The following KCNMB2 variants were observed in gnomAD, a reference collection of about 807,000 sequenced individuals.
KCNMB2 encodes the protein calcium-activated potassium channel subunit beta-2.
In KCNMB2, 9 loss-of-function variants were observed where a neutral mutation model predicts 24.5. The ratio of observed to expected loss-of-function variants is 0.37; its 90% CI spans 0.22 to 0.64. The LOEUF (loss-of-function observed/expected upper bound fraction) is 0.64. KCNMB2 is among the 30% of genes least tolerant of loss of function. KCNMB2 has a pLI of 0.63. For synonymous variants in KCNMB2, 109 were observed against 104.4 expected, an observed-to-expected ratio of 1.04 and a Z score of -0.27; for missense variants, 226 against 284.3, an observed-to-expected ratio of 0.79 and a Z score of 1.47.
chr3:178,704,921 G>C (rs1389419582), intron 1 of KCNMB2, among the ~76,000 whole-genome samples: 12 of 152,060 alleles, frequency 7.9e-5, no homozygotes. Flanking sequence ...ATTTTCACAA[G>C]TCTCCAGGCT....
intron 3 of KCNMB2, among the ~76,000 whole-genome samples, chr3:178,826,460 G>T (rs570973527): frequency 1.3e-5 from 2 of 152,246 alleles, no homozygotes; most frequent in African/African-American, 4.8e-5. Context: ...TTTGCTGTAG[G>T]TGTATTGAAT....
chr3:178,649,548 A>T (rs1720034878), intron 1 of KCNMB2, among the ~76,000 whole-genome samples: 1 of 151,446 alleles, frequency 6.6e-6, no homozygotes, highest in Admixed American at 6.6e-5. Flanking sequence ...CAATTTTAGA[A>T]TTTGTTATTA....
intron 1 of KCNMB2, among the ~76,000 whole-genome samples, chr3:178,592,581 A>G (rs551640864): frequency 6.6e-6 from 1 of 152,248 alleles, no homozygotes; most frequent in South Asian, 2.1e-4. Context: ...TATGTGTGCT[A>G]TGTGTGTTTT....
At chr3:178,560,986 A>C (rs1577011306) in intron 1 of KCNMB2, among the ~76,000 whole-genome samples, 1 of 152,204 alleles carries the variant, frequency 6.6e-6, no homozygotes, top group South Asian at 2.1e-4. Flanking sequence ...CACACAGCAG[A>C]GTATCAGTTA....
At chr3:178,757,320 A>G (rs1724109223) in intron 1 of KCNMB2, among the ~76,000 whole-genome samples, 1 of 117,858 alleles carries the variant, frequency 8.5e-6, no homozygotes, top group African/African-American at 3.2e-5. Context: ...ATCCAAGAGG[A>G]CATATATATA....
intron 1 of KCNMB2, among the ~76,000 whole-genome samples, chr3:178,565,118 A>G (rs868531647): frequency 1.3e-5 from 2 of 152,356 alleles, no homozygotes; most frequent in Middle Eastern, 3.4e-3. Context: ...CTGTATGGAT[A>G]TAGTGAACGA....
At chr3:178,720,475 T>C (rs907464455) in intron 1 of KCNMB2, among the ~76,000 whole-genome samples, 5 of 111,424 alleles carry the variant, frequency 4.5e-5, no homozygotes, top group African/African-American at 1.7e-4. Context: ...GCATGATTTA[T>C]AGTCCTTTGG....
intron 4 of KCNMB2, among the ~76,000 whole-genome samples, chr3:178,841,983 T>C (rs540522068): frequency 1.3e-5 from 2 of 152,220 alleles, no homozygotes; most frequent in Non-Finnish European, 2.9e-5. Context: ...GAAAAGCTGT[T>C]TTATTTTTCC....
Position 178,757,749 on chromosome 3 carries a change from TAAGAGGATATATATATATATCC to T in KCNMB2, c.-67-49578_-67-49557del, listed in dbSNP as rs1294560822. 2.8e-3 allele frequency among the ~76,000 whole-genome samples: 210 copies of T among 74,736 alleles called. 22 individuals carry two copies. The highest frequency in any genetic ancestry group is 3.3e-3 in the Non-Finnish European group (116 of 35,248). The allele number at this position is 74,736 out of a possible 152,430, so 49.0% of individuals were successfully genotyped here. On this transcript the variant is annotated intron_variant, in intron 1 of 4. Coordinates refer to ENST00000452583, the MANE Select transcript of KCNMB2 (RefSeq NM_181361.3). ...ATATATCCAAGAGGATATATATATA[TAAGAGGATATATATATATATCC>T]AAGAGGATATATATACATATATCTT...
chr3:178,555,432 G>A (rs146589547), intron 1 of KCNMB2, among the ~76,000 whole-genome samples: 1 of 152,276 alleles, frequency 6.6e-6, no homozygotes, highest in Non-Finnish European at 1.5e-5. Flanking sequence ...AATGTTTTGA[G>A]CATCAGTTTC....
At chr3:178,593,122 T>G (rs2108500979) in intron 1 of KCNMB2, among the ~76,000 whole-genome samples, 1 of 152,212 alleles carries the variant, frequency 6.6e-6, no homozygotes, top group Middle Eastern at 3.4e-3. Context: ...GAGTTTTAAG[T>G]TAACTTAAGC....
rs373190936 is a variant in KCNMB2, at chr3:178,586,911, T to C, written c.-68+50200T>C. Among the ~76,000 whole-genome samples the C allele has an allele frequency of 3.3e-4, 50 of 152,356 alleles. No individual in the cohort carries two copies. The South Asian group carries it at 0.01, about 31-fold the overall frequency. ...TCAAGATTATAAAACTATTCTCTTATACTTTTTGTAGTACAATATTGTTTT... is the reference window on the plus strand; with the variant it reads ...TCAAGATTATAAAACTATTCTCTTACACTTTTTGTAGTACAATATTGTTTT... On this transcript the variant is annotated intron_variant, in intron 1 of 4. Transcript: ENST00000452583.
intron 1 of KCNMB2, among the ~76,000 whole-genome samples, chr3:178,609,413 T>TC (rs2108514583): frequency 6.6e-6 from 1 of 151,778 alleles, no homozygotes; most frequent in Non-Finnish European, 1.5e-5. Context: ...TGTTTTTTTT[T>TC]CCCATTCTGT....
At chr3:178,557,212 T>C (rs1419174116) in intron 1 of KCNMB2, among the ~76,000 whole-genome samples, 1 of 152,168 alleles carries the variant, frequency 6.6e-6, no homozygotes, top group Non-Finnish European at 1.5e-5. Flanking sequence ...TCCCAGGTGA[T>C]TCAAATCTGT....
chr3:178,546,790 G>A (rs551839432), intron 1 of KCNMB2, among the ~76,000 whole-genome samples: 3 of 152,206 alleles, frequency 2.0e-5, no homozygotes, highest in Non-Finnish European at 4.4e-5. Flanking sequence ...GGCTGACAAG[G>A]TAATTGCACT....
chr3:178,809,992 A>C (rs1577205323), intron 2 of KCNMB2, among the ~76,000 whole-genome samples: 1 of 151,848 alleles, frequency 6.6e-6, no homozygotes, highest in East Asian at 1.9e-4. Flanking sequence ...TCCTTAGTTT[A>C]ATGTTGGAAG....
At chr3:178,759,434 GATATATAT>G (rs201627319) in intron 1 of KCNMB2, among the ~76,000 whole-genome samples, 5 of 17,628 alleles carry the variant, frequency 2.8e-4, no homozygotes, top group South Asian at 2.0e-3. Context: ...TCTCCAAGAG[GATATATAT>G]ATATATATAT....
intron 1 of KCNMB2, among the ~76,000 whole-genome samples, chr3:178,650,336 A>G (rs1008918707): frequency 2.0e-5 from 3 of 152,024 alleles, no homozygotes; most frequent in African/African-American, 7.2e-5. Flanking sequence ...TGGGGTGGAG[A>G]GTTCTGTAGA....
chr3:178,757,637 TATATATCC>T (rs1387744320), intron 1 of KCNMB2, among the ~76,000 whole-genome samples: 4 of 52,606 alleles, frequency 7.6e-5, no homozygotes, highest in Non-Finnish European at 1.1e-4. Context: ...TATATATGTA[TATATATCC>T]AAGAGGATAT....
Sources: allele counts gnomAD v4.1 joint callset (sites outside exome capture counted in the v4.1 genomes callset), GRCh38; gene constraint gnomAD v4.1.1; transcripts MANE v1.5; gene names NCBI Gene and HGNC (gene_info 2026-07-23, HGNC 2026-07-21).